Variants in CDH8 observed in about 807,000 individuals in gnomAD.
CDH8 encodes the protein cadherin 8, also known as cadherin-8.
In CDH8, 17 loss-of-function variants were observed where a neutral mutation model predicts 68.1. The ratio of observed to expected loss-of-function variants is 0.25; its 90% CI spans 0.17 to 0.37. The LOEUF is 0.37. CDH8 is among the 10% of genes least tolerant of loss of function. The pLI is 1.00. For missense variants in CDH8, 763 were observed against 999.3 expected, an observed-to-expected ratio of 0.76 and a Z score of 3.19; for synonymous variants, 372 against 365.1, an observed-to-expected ratio of 1.02 and a Z score of -0.21.
intron 7 of CDH8, among the ~76,000 whole-genome samples, chr16:61,799,555 G>C (rs1159359277): frequency 1.3e-5 from 2 of 151,992 alleles, no homozygotes; most frequent in African/African-American, 2.4e-5. Context: ...CCGTCATAAA[G>C]TTAGTAAGAG....
intron 10 of CDH8, among the ~76,000 whole-genome samples, chr16:61,675,708 T>C (rs1330799602): frequency 6.6e-6 from 1 of 151,632 alleles, no homozygotes; most frequent in African/African-American, 2.4e-5. Flanking sequence ...AACTCAATTA[T>C]GACTTTATAA....
chr16:61,714,631 G>C (rs1964690128), intron 9 of CDH8, among the ~76,000 whole-genome samples: 1 of 151,680 alleles, frequency 6.6e-6, no homozygotes. Flanking sequence ...CTTATTAAAT[G>C]TGCTTGTTTC....
In CDH8 at chr16:61,653,819, T is replaced by A. The variant is rs754730226; in HGVS notation, c.2189A>T (p.His730Leu). Residue 730 changes from histidine (H) to leucine (L), a missense_variant, in exon 12 of 12, where the codon CAT becomes CTT. Transcript: ENST00000577390. ...DVDEFINVRL[H>L]EADNDPTAPP... ...GGCCGTGGGATCATTATCTGCCTCA[T>A]GCAGCCTTACATTTATAAATTCATC... 6.2e-7 allele frequency: 1 copy of A among 1,614,242 alleles called. No homozygotes were observed. Among genetic ancestry groups the A allele is most frequent in the South Asian group, 1.1e-5 (1 of 91,092 alleles).
At chr16:61,803,147 G>C (rs1171129184) in intron 7 of CDH8, among the ~76,000 whole-genome samples, 11 of 67,774 alleles carry the variant, frequency 1.6e-4, no homozygotes, top group African/African-American at 1.2e-3. Context: ...CCAGAAGAGA[G>C]TGGGGGCCAA....
At chr16:61,853,918 A>G (rs185712588) in intron 4 of CDH8, among the ~76,000 whole-genome samples, 2 of 152,158 alleles carry the variant, frequency 1.3e-5, no homozygotes, top group African/African-American at 4.8e-5. Context: ...TGCTAAATCT[A>G]TAGAATTAAA....
intron 4 of CDH8, among the ~76,000 whole-genome samples, chr16:61,855,221 T>C (rs1283513364): frequency 6.6e-6 from 1 of 152,168 alleles, no homozygotes; most frequent in Admixed American, 6.6e-5. Flanking sequence ...AATGAGTTTG[T>C]GTTGATATAT....
chr16:61,661,966 A>T (rs1488298688), intron 10 of CDH8, among the ~76,000 whole-genome samples: 1 of 151,610 alleles, frequency 6.6e-6, no homozygotes, highest in Admixed American at 6.6e-5. Context: ...TGATTTTTTT[A>T]AAAAAGAAAA....
intron 2 of CDH8, among the ~76,000 whole-genome samples, chr16:61,904,250 A>G (rs1196736026): frequency 6.6e-6 from 1 of 152,198 alleles, no homozygotes; most frequent in Non-Finnish European, 1.5e-5. Flanking sequence ...CTGGCCCTCC[A>G]AGTACAGAAT....
chr16:61,812,644 C>T (rs1961978329), intron 7 of CDH8, among the ~76,000 whole-genome samples: 1 of 152,140 alleles, frequency 6.6e-6, no homozygotes, highest in African/African-American at 2.4e-5. Context: ...TTTCTAGTAT[C>T]TGTTCTGGGC....
chr16:61,796,026 A>T (rs1961493139), intron 7 of CDH8, among the ~76,000 whole-genome samples: 4 of 152,054 alleles, frequency 2.6e-5, no homozygotes, highest in Admixed American at 6.6e-5. Flanking sequence ...ATAGCATCAC[A>T]TAGATTGTGA....
At chr16:61,743,775 T>C (rs1210843764) in intron 8 of CDH8, among the ~76,000 whole-genome samples, 2 of 152,174 alleles carry the variant, frequency 1.3e-5, no homozygotes, top group Non-Finnish European at 2.9e-5. Flanking sequence ...TCTTTTCTAA[T>C]GTAGACACTT....
At chr16:61,988,895 T>C in intron 2 of CDH8, among the ~76,000 whole-genome samples, 1 of 152,140 alleles carries the variant, frequency 6.6e-6, no homozygotes, top group Non-Finnish European at 1.5e-5. Flanking sequence ...TTGAGGCCAG[T>C]GATATTCACA....
chr16:61,814,990 G>A (rs1316151974), intron 7 of CDH8, among the ~76,000 whole-genome samples: 2 of 152,190 alleles, frequency 1.3e-5, no homozygotes, highest in Non-Finnish European at 2.9e-5. Context: ...TAAAAAATGT[G>A]TGGGCTCCCC....
intron 2 of CDH8, among the ~76,000 whole-genome samples, chr16:61,936,112 A>T (rs898321623): frequency 6.6e-6 from 1 of 152,210 alleles, no homozygotes; most frequent in Non-Finnish European, 1.5e-5. Context: ...TAAATGTAAG[A>T]ATTCAATAAG....
rs947999469 is a variant in CDH8, at chr16:61,918,971, G to C, written c.253-17498C>G. On this transcript the variant is annotated intron_variant, in intron 2 of 11. Coordinates refer to ENST00000577390, the MANE Select transcript of CDH8 (RefSeq NM_001796.5). Reference sequence around the variant, plus strand: ...TCCCAGCACGCAGCTGGAGATCTGAGAACCGGCAGACTGCCTCTTCAAGTG... The same window carrying C: ...TCCCAGCACGCAGCTGGAGATCTGACAACCGGCAGACTGCCTCTTCAAGTG... Among the ~76,000 whole-genome samples, 14 of 147,830 alleles carry C rather than the reference G, an allele frequency of 9.5e-5. 1 individual carries two copies. Among genetic ancestry groups the C allele is most frequent in the African/African-American group, 3.5e-4 (14 of 39,888 alleles).
intron 2 of CDH8, among the ~76,000 whole-genome samples, chr16:61,953,762 G>C (rs1013373610): frequency 6.6e-6 from 1 of 151,102 alleles, no homozygotes; most frequent in East Asian, 1.9e-4. Flanking sequence ...GCAGCTACTT[G>C]GGGGGCTGAG....
chr16:61,798,741 T>C (rs1961553705), intron 7 of CDH8, among the ~76,000 whole-genome samples: 1 of 152,174 alleles, frequency 6.6e-6, no homozygotes, highest in African/African-American at 2.4e-5. Context: ...TATTTGAACA[T>C]GGAAAGCAAA....
At chr16:61,715,904 TA>T (rs1194984371) in intron 9 of CDH8, among the ~76,000 whole-genome samples, 1 of 151,668 alleles carries the variant, frequency 6.6e-6, no homozygotes, top group Non-Finnish European at 1.5e-5. Flanking sequence ...ATTTTCATGT[TA>T]AAAAGTCAAG....
intron 3 of CDH8, among the ~76,000 whole-genome samples, chr16:61,869,844 C>G (rs74023275): frequency 0.025 from 3,794 of 152,264 alleles, 159 homozygotes; most frequent in African/African-American, 0.087. Flanking sequence ...AAGTCCTGCA[C>G]TCAATTCAGT....
Sources: gnomAD v4.1 joint callset for allele counts (sites outside exome capture counted in the v4.1 genomes callset) on GRCh38, gnomAD v4.1.1 for gene constraint, MANE v1.5 for transcripts, NCBI Gene and HGNC (gene_info 2026-07-23, HGNC 2026-07-21) for gene names.